PDGFB: variants seen among roughly 807,000 people sequenced by gnomAD.
PDGFB encodes platelet derived growth factor subunit B.
PDGFB carries 6 observed loss-of-function variants against 29.0 expected under a neutral mutation model. The ratio of observed to expected loss-of-function variants is 0.21; its 90% CI spans 0.11 to 0.41. PDGFB has a LOEUF of 0.41. Among genes scored for constraint, PDGFB ranks in the 10% least tolerant of loss-of-function variants. The probability of loss-of-function intolerance (pLI) is 1.00; values close to 1 mark genes in which losing one functional copy is unlikely to be tolerated. For synonymous variants in PDGFB, 144 were observed against 140.8 expected (o/e 1.02, Z -0.16); for missense variants, 299 against 341.8 (o/e 0.87, Z 0.99).
At chr22:39,240,828 G>C in intron 1 of PDGFB, 1 of 1,612,944 alleles carries the variant, frequency 6.2e-7, no homozygotes, top group South Asian at 1.1e-5. Flanking sequence ...GTGGGGAGGG[G>C]AAGACAAGAC....
chr22:39,240,449 T>C (rs1268412637), intron 1 of PDGFB, among the ~76,000 whole-genome samples: 3 of 152,148 alleles, frequency 2.0e-5, no homozygotes, highest in African/African-American at 7.2e-5. Context: ...TCCTGTCTAA[T>C]CCTGGTAGCC....
intron 1 of PDGFB, chr22:39,241,165 C>T (rs1932560996): frequency 5.8e-6 from 3 of 517,462 alleles, no homozygotes; most frequent in African/African-American, 1.9e-5. Flanking sequence ...CAGTGGGACT[C>T]GCCCTCCTGG....
At chr22:39,230,571 G>T (rs745689636) in intron 4 of PDGFB, among the ~76,000 whole-genome samples, 4 of 152,238 alleles carry the variant, frequency 2.6e-5, no homozygotes, top group Non-Finnish European at 4.4e-5. Flanking sequence ...AGAGGCGGGA[G>T]ATGGTTGTCT....
At chr22:39,228,893 A>AAAAAAATAT (rs1184799325) in intron 5 of PDGFB, among the ~76,000 whole-genome samples, 1 of 132,520 alleles carries the variant, frequency 7.5e-6, no homozygotes, top group African/African-American at 2.6e-5. Context: ...CCTCAAAAAA[A>AAAAAAATAT]ATATATATAT....
At chr22:39,228,020 G>A (rs1932207126) in intron 5 of PDGFB, among the ~76,000 whole-genome samples, 1 of 152,160 alleles carries the variant, frequency 6.6e-6, no homozygotes, top group African/African-American at 2.4e-5. Context: ...GCTATACCAA[G>A]CCCAGGCAAG....
chr22:39,237,106 G>A (rs1276352421), intron 1 of PDGFB, among the ~76,000 whole-genome samples: 1 of 152,096 alleles, frequency 6.6e-6, no homozygotes, highest in Admixed American at 6.5e-5. Context: ...CTGCTTTCTC[G>A]CTGCCTGACG....
rs1778615390 is a variant in PDGFB at position 39,242,827 on chromosome 22, G to C, written c.63+1074C>G. 1 of 231,660 alleles carries C rather than the reference G, an allele frequency of 4.3e-6. No homozygotes were observed. Among genetic ancestry groups the C allele is most frequent in the South Asian group, 1.8e-4 (1 of 5,510 alleles). The allele number at this position is 231,660 out of a possible 1,614,324, so 14.4% of individuals were successfully genotyped here. A position where few individuals can be genotyped will look rare whatever the true frequency, so the allele number is the denominator to read the frequency against. On this transcript the variant is annotated intron_variant, in intron 1 of 6. Coordinates refer to ENST00000331163, the MANE Select transcript of PDGFB (RefSeq NM_002608.4). The surrounding 1 kb of genome is among the most constrained non-coding windows in gnomAD (Gnocchi z 5.7). ...GGCGAGGTGCGGACTCCCGGCCGCA[G>C]CCGGGCGGAGGTGGGACGGTACCCA... is the stretch of plus-strand genomic sequence containing the variant.
At position 39,231,045 on chromosome 22, in the gene PDGFB, T is replaced by G. The variant is rs557482051; in HGVS notation, c.456+577A>C. Among the ~76,000 whole-genome samples the G allele has an allele frequency of 4.6e-5, 7 of 152,280 alleles. No homozygotes were observed. In the South Asian group the frequency reaches 1.4e-3, roughly 32 times the overall value. On this transcript the variant is annotated intron_variant, in intron 4 of 6. Transcript: ENST00000331163. This position sits in a 1 kb window ranked among gnomAD's most constrained non-coding sequence, Gnocchi z 4.3. ...CCCGTCCCTCCGAAGAAAAGCAGGATCAGCATTCCACTGTTGTCAGGGGAC... is the reference window on the plus strand; with the variant it reads ...CCCGTCCCTCCGAAGAAAAGCAGGAGCAGCATTCCACTGTTGTCAGGGGAC...
intron 2 of PDGFB, among the ~76,000 whole-genome samples, chr22:39,234,253 T>C (rs1932386363): frequency 6.6e-6 from 1 of 152,182 alleles, no homozygotes; most frequent in Non-Finnish European, 1.5e-5. Context: ...TGGTCACAAA[T>C]GACAGCTCCC....
chr22:39,229,938 GCTTGTGT>G, intron 5 of PDGFB, 139 bp downstream of exon 5: 1 of 984,224 alleles, frequency 1.0e-6, no homozygotes, highest in East Asian at 2.4e-5. Context: ...GAGGAACCTG[GCTTGTGT>G]CTCAGCAAGA....
At chr22:39,239,995 C>T (rs1005770364) in intron 1 of PDGFB, among the ~76,000 whole-genome samples, 3 of 152,210 alleles carry the variant, frequency 2.0e-5, no homozygotes, top group Admixed American at 1.3e-4. Flanking sequence ...GCCTGAGAGT[C>T]GCAGGCCTTA....
intron 3 of PDGFB, among the ~76,000 whole-genome samples, chr22:39,232,226 C>T (rs1373442669): frequency 1.3e-5 from 2 of 152,228 alleles, no homozygotes; most frequent in South Asian, 2.1e-4. Context: ...CATATTAGCT[C>T]GAAACCACGC....
At chr22:39,228,886 C>CAAA (rs34953400) in intron 5 of PDGFB, among the ~76,000 whole-genome samples, 13 of 72,566 alleles carry the variant, frequency 1.8e-4, no homozygotes, top group African/African-American at 4.9e-4. Context: ...GAGACTGCCT[C>CAAA]AAAAAAAATA....
rs994892901 is a variant in PDGFB, at chr22:39,242,443, C to G, written c.63+1458G>C. The G allele has an allele frequency of 1.4e-4, 27 of 198,926 alleles. No individual in the cohort carries two copies. The highest frequency in any genetic ancestry group is 6.2e-4 in the African/African-American group (27 of 43,506). 12.3% of individuals were successfully genotyped at this position (198,926 alleles called of 1,614,324 possible). ...GCAGCTGGGGCCGGCCGGCCACCCC[C>G]TCCCCAACAGCTGGCCGCGGCCCGG... On this transcript the variant is annotated intron_variant, in intron 1 of 6. Transcript: ENST00000331163. The surrounding 1 kb of genome is among the most constrained non-coding windows in gnomAD (Gnocchi z 5.7).
chr22:39,226,653 T>C (rs1822718399), intron 5 of PDGFB, among the ~76,000 whole-genome samples: 1 of 152,228 alleles, frequency 6.6e-6, no homozygotes, highest in Admixed American at 6.5e-5. Context: ...GACTCACTTT[T>C]TTTTCTTATT....
chr22:39,237,715 T>A (rs1932479105), intron 1 of PDGFB, among the ~76,000 whole-genome samples: 1 of 152,222 alleles, frequency 6.6e-6, no homozygotes, highest in Non-Finnish European at 1.5e-5. Context: ...GAGAGTTCTG[T>A]CAAACCCAGA....
chr22:39,229,809 A>G (rs559531045), intron 5 of PDGFB, among the ~76,000 whole-genome samples: 1 of 152,068 alleles, frequency 6.6e-6, no homozygotes, highest in Admixed American at 6.5e-5. Context: ...TGAGGCAGAA[A>G]CTCCATTAGT....
chr22:39,233,340 ACCCTCGGGG>A, intron 3 of PDGFB, 86 bp downstream of exon 3: 2 of 817,194 alleles, frequency 2.4e-6, no homozygotes, highest in East Asian at 5.8e-5. Flanking sequence ...TTGTAAGAGG[ACCCTCGGGG>A]CCCTCCGACT....
intron 2 of PDGFB, among the ~76,000 whole-genome samples, chr22:39,233,943 G>A (rs996081756): frequency 3.3e-5 from 5 of 150,138 alleles, no homozygotes; most frequent in Non-Finnish European, 7.4e-5. Context: ...AGCCCCAGGG[G>A]GACCGCATGC....
Sources: gnomAD v4.1 joint callset for allele counts (sites outside exome capture counted in the v4.1 genomes callset) on GRCh38, gnomAD v4.1.1 for gene constraint, Gnocchi (gnomAD v3.1) non-coding constraint, MANE v1.5 for transcripts, NCBI Gene and HGNC (gene_info 2026-07-23, HGNC 2026-07-21) for gene names.